The following WIPI2 variants were observed in gnomAD, a reference collection of about 807,000 sequenced individuals.
WIPI2 encodes the protein WD repeat domain, phosphoinositide interacting 2.
Under a neutral mutation model 52.3 loss-of-function variants are expected in WIPI2, and 28 were observed. That is an observed-to-expected ratio of 0.54 (90% CI 0.40 to 0.73). The LOEUF (loss-of-function observed/expected upper bound fraction) is 0.73, where lower values mean the gene tolerates loss of function less well. Ranked by LOEUF, WIPI2 falls within the 30% of genes least tolerant of loss-of-function variation. WIPI2 has a pLI of 0.00. For missense variants in WIPI2, 506 were observed against 602.9 expected (o/e 0.84, Z 1.68); for synonymous variants, 268 against 245.0 (o/e 1.09, Z -0.88).
rs1389785913 is a variant in WIPI2 at position 5,217,832 on chromosome 7, A to G, written c.577-90A>G. On this transcript the variant is annotated intron_variant, in intron 6 of 12. Coordinates refer to ENST00000288828, the MANE Select transcript of WIPI2 (RefSeq NM_015610.4). The stretch of plus-strand genomic sequence containing the variant: ...TGGACCGTAATGGTGTTTTAGGAAC[A>G]GCTAATTGGCACTTGCGGACCAAGT... The G allele has an allele frequency of 3.2e-6, 4 of 1,235,124 alleles. No individual in the cohort carries two copies. In the African/African-American group the frequency reaches 5.9e-5, roughly 18 times the overall value. 76.5% of individuals were successfully genotyped at this position (1,235,124 alleles called of 1,614,324 possible).
chr7:5,226,144 C>G, intron 9 of WIPI2: 1 of 559,164 alleles, frequency 1.8e-6, no homozygotes. Context: ...AGGCAGCACG[C>G]AGGGTAGACA....
In WIPI2 at chr7:5,227,324, A is replaced by G. The variant is rs1783486753; in HGVS notation, c.993A>G (p.Lys331=). ...ATVRLPFCGH[K]NICSLATIQK... is the part of the protein sequence containing the mutation. ...TCCGCCTGCCATTCTGCGGCCACAA[A>G]AACATCTGCTCGCTAGCCACGTGAG... Residue 331 remains lysine (K), a synonymous_variant, in exon 10 of 13, where the codon AAA becomes AAG. Coordinates refer to ENST00000288828, the MANE Select transcript of WIPI2 (RefSeq NM_015610.4). The surrounding 1 kb of genome is among the most constrained non-coding windows in gnomAD (Gnocchi z 8.1). 6.2e-7 allele frequency: 1 copy of G among 1,613,648 alleles called. No individual in the cohort carries two copies. The highest frequency in any genetic ancestry group is 2.2e-5 in the East Asian group (1 of 44,880).
chr7:5,201,764 G>C (rs1213216948), intron 3 of WIPI2, among the ~76,000 whole-genome samples: 1 of 152,162 alleles, frequency 6.6e-6, no homozygotes, highest in East Asian at 1.9e-4. Context: ...AAAAAATAAA[G>C]AGTGGATGTT....
At chr7:5,215,077 G>A (rs903254135) in intron 4 of WIPI2, among the ~76,000 whole-genome samples, 11 of 152,226 alleles carry the variant, frequency 7.2e-5, no homozygotes, top group Non-Finnish European at 1.5e-4. Flanking sequence ...TTGGGAGGCC[G>A]AGGCGGGCAG....
chr7:5,226,895 C>T (rs571189833), intron 9 of WIPI2: 13 of 417,140 alleles, frequency 3.1e-5, no homozygotes, highest in African/African-American at 2.2e-4. Flanking sequence ...GACGTCCTCA[C>T]ACCCTTGCAA....
intron 1 of WIPI2, chr7:5,190,823 T>G (rs1289484838): frequency 4.6e-6 from 1 of 219,694 alleles, no homozygotes; most frequent in Non-Finnish European, 8.9e-6. Context: ...TGACTTGTCT[T>G]GGCCGCCTGT....
intron 3 of WIPI2, among the ~76,000 whole-genome samples, chr7:5,205,548 G>T (rs1025279167): frequency 6.6e-6 from 1 of 152,172 alleles, no homozygotes; most frequent in African/African-American, 2.4e-5. Flanking sequence ...CTCTGCTGCT[G>T]CCCATGTCCC....
chr7:5,191,672 G>A (rs1043246870), intron 1 of WIPI2, among the ~76,000 whole-genome samples: 1 of 152,170 alleles, frequency 6.6e-6, no homozygotes, highest in African/African-American at 2.4e-5. Context: ...TGAGTAAGAG[G>A]AAGTGAGGAA....
chr7:5,217,618 A>G, intron 6 of WIPI2: 1 of 435,140 alleles, frequency 2.3e-6, no homozygotes, highest in Non-Finnish European at 4.3e-6. Flanking sequence ...TCTCAGTAGC[A>G]GAGTAGGTCT....
At position 5,227,053 on chromosome 7, in the gene WIPI2, T is replaced by C; in HGVS notation, c.849-127T>C. On this transcript the variant is annotated intron_variant, in intron 9 of 12. Transcript: ENST00000288828. The surrounding 1 kb of genome is among the most constrained non-coding windows in gnomAD (Gnocchi z 8.1). ...GAGTGTCTGCTTATAACCAACCCTGTTTAATTTTCCTGTGAAGAATGGAGA... is the reference window on the plus strand; with the variant it reads ...GAGTGTCTGCTTATAACCAACCCTGCTTAATTTTCCTGTGAAGAATGGAGA... The C allele has an allele frequency of 1.5e-6, 2 of 1,340,252 alleles. No homozygotes were observed. Among genetic ancestry groups the C allele is most frequent in the Non-Finnish European group, 2.0e-6 (2 of 978,894 alleles). 83.0% of individuals were successfully genotyped at this position (1,340,252 alleles called of 1,614,324 possible).
intron 3 of WIPI2, among the ~76,000 whole-genome samples, chr7:5,208,421 G>GTT (rs34816133): frequency 0.13 from 19,331 of 146,934 alleles, 1,377 homozygotes; most frequent in East Asian, 0.32. Context: ...TATTTATGTT[G>GTT]TTTTTTTTTT....
chr7:5,190,787 C>G (rs937413028), intron 1 of WIPI2: 2 of 280,652 alleles, frequency 7.1e-6, no homozygotes, highest in African/African-American at 4.4e-5. Context: ...CTACTTCTCG[C>G]AAAGTTGGGG....
rs777017842 is a variant in WIPI2, at chr7:5,230,920, C to G, written c.1338C>G (p.His446Gln). The change falls in exon 13 of 13, where the codon CAC (histidine) becomes CAG (glutamine). Residue 446 changes from histidine (H) to glutamine (Q), a missense_variant. Transcript: ENST00000288828. This position sits in a 1 kb window ranked among gnomAD's most constrained non-coding sequence, Gnocchi z 4.8. ...TGCGCCTGGATGAGGACAGCGAGCACCCGCCCATGATTCTTCGGACTGACT... is the reference window on the plus strand; with the variant it reads ...TGCGCCTGGATGAGGACAGCGAGCAGCCGCCCATGATTCTTCGGACTGACT... Reference protein sequence around the residue: ...SALRLDEDSEHPPMILRTD With the variant: ...SALRLDEDSEQPPMILRTD The G allele has an allele frequency of 6.2e-7, 1 of 1,613,300 alleles. No homozygotes were observed. The highest frequency in any genetic ancestry group is 8.5e-7 in the Non-Finnish European group (1 of 1,179,684).
chr7:5,220,324 C>T (rs1783050684), intron 7 of WIPI2, among the ~76,000 whole-genome samples: 1 of 151,560 alleles, frequency 6.6e-6, no homozygotes, highest in Non-Finnish European at 1.5e-5. Context: ...CTCACCACAA[C>T]CTCTGCCTCC....
intron 7 of WIPI2, among the ~76,000 whole-genome samples, chr7:5,221,154 G>T (rs1428594341): frequency 6.6e-6 from 1 of 151,932 alleles, no homozygotes; most frequent in African/African-American, 2.4e-5. Flanking sequence ...GTAGAGACGG[G>T]GTTTCACCAT....
chr7:5,227,054 T>A lies in WIPI2; in HGVS notation c.849-126T>A. The A allele has an allele frequency of 7.4e-7, 1 of 1,345,726 alleles. No individual in the cohort carries two copies. The allele number at this position is 1,345,726 out of a possible 1,614,324, so 83.4% of individuals were successfully genotyped here. A position where few individuals can be genotyped will look rare whatever the true frequency, so the allele number is the denominator to read the frequency against. ...AGTGTCTGCTTATAACCAACCCTGT[T>A]TAATTTTCCTGTGAAGAATGGAGAC... is the stretch of plus-strand genomic sequence containing the variant. On this transcript the variant is annotated intron_variant, in intron 9 of 12. Transcript: ENST00000288828. The surrounding 1 kb of genome is among the most constrained non-coding windows in gnomAD (Gnocchi z 8.1).
intron 3 of WIPI2, among the ~76,000 whole-genome samples, chr7:5,203,147 A>G (rs914428655): frequency 7.2e-5 from 11 of 152,202 alleles, no homozygotes; most frequent in African/African-American, 2.7e-4. Context: ...CATTTACTTT[A>G]CGGGCCATCA....
chr7:5,191,775 T>G (rs1445890176), intron 1 of WIPI2, among the ~76,000 whole-genome samples: 1 of 152,154 alleles, frequency 6.6e-6, no homozygotes, highest in Non-Finnish European at 1.5e-5. Context: ...TAAGATTCTT[T>G]AGGAAATTAA....
Position 5,227,226 on chromosome 7 carries a change from C to T in WIPI2, c.895C>T (p.Leu299Phe). Residue 299 changes from leucine to phenylalanine, a missense_variant, in exon 10 of 13, where the codon CTC becomes TTC. Coordinates refer to ENST00000288828, the MANE Select transcript of WIPI2 (RefSeq NM_015610.4). This position sits in a 1 kb window ranked among gnomAD's most constrained non-coding sequence, Gnocchi z 8.1. ...CTGGACCGGGTACTTCGGGAAAGTG[C>T]TCATGGCCTCCACCAGCTACCTGCC... is the stretch of plus-strand genomic sequence containing the variant. ...TTWTGYFGKV[L>F]MASTSYLPSQ... The T allele has an allele frequency of 1.2e-6, 2 of 1,614,040 alleles. No homozygotes were observed. Among genetic ancestry groups the T allele is most frequent in the Non-Finnish European group, 1.7e-6 (2 of 1,180,034 alleles).
Sources: allele counts gnomAD v4.1 joint callset (sites outside exome capture counted in the v4.1 genomes callset), GRCh38; gene constraint gnomAD v4.1.1; non-coding constraint Gnocchi (gnomAD v3.1); transcripts MANE v1.5; gene names NCBI Gene and HGNC (gene_info 2026-07-23, HGNC 2026-07-21).